The following DOCK1 variants were observed in gnomAD, a reference collection of about 807,000 sequenced individuals.
DOCK1 encodes dedicator of cytokinesis 1.
DOCK1 carries 138 observed loss-of-function variants against 262.7 expected under a neutral mutation model. The ratio of observed to expected loss-of-function variants is 0.53; its 90% CI spans 0.46 to 0.61. The LOEUF (loss-of-function observed/expected upper bound fraction) is 0.61. DOCK1 is among the 20% of genes least tolerant of loss of function. The pLI, the probability that DOCK1 is intolerant of heterozygous loss-of-function variation, is 0.00. For synonymous variants in DOCK1, 866 were observed against 867.4 expected, an observed-to-expected ratio of 1.00 and a Z score of 0.03; for missense variants, 1,908 against 2,370.7, an observed-to-expected ratio of 0.80 and a Z score of 4.05.
At chr10:127,005,785 T>G (rs1193560365) in intron 10 of DOCK1, among the ~76,000 whole-genome samples, 1 of 152,220 alleles carries the variant, frequency 6.6e-6, no homozygotes, top group Non-Finnish European at 1.5e-5. Flanking sequence ...TTAAATACAA[T>G]ATCCCGTCCT....
chr10:127,327,102 G>A (rs4751207), intron 29 of DOCK1, among the ~76,000 whole-genome samples: 6,967 of 152,270 alleles, frequency 0.046, 206 homozygotes, highest in Non-Finnish European at 0.072. Flanking sequence ...TCTTAAGGGC[G>A]CTAGGATGTT....
At chr10:127,362,762 AAAATC>A (rs1425774607) in intron 33 of DOCK1, among the ~76,000 whole-genome samples, 1 of 150,854 alleles carries the variant, frequency 6.6e-6, no homozygotes, top group Non-Finnish European at 1.5e-5. Context: ...AAGAAGTAAC[AAAATC>A]TCCTTCTGGA....
At chr10:126,991,735 G>T (rs1487562761) in intron 6 of DOCK1, among the ~76,000 whole-genome samples, 1 of 152,038 alleles carries the variant, frequency 6.6e-6, no homozygotes, top group Admixed American at 6.6e-5. Context: ...TTCCATGTTG[G>T]TCAGGCTGAT....
intron 43 of DOCK1, among the ~76,000 whole-genome samples, chr10:127,414,080 T>G (rs971577348): frequency 9.9e-5 from 15 of 152,056 alleles, no homozygotes; most frequent in African/African-American, 3.6e-4. Flanking sequence ...TCTGGCTAAT[T>G]TTTGTATTTT....
At chr10:127,314,523 G>C (rs2062190129) in intron 29 of DOCK1, among the ~76,000 whole-genome samples, 1 of 152,200 alleles carries the variant, frequency 6.6e-6, no homozygotes, top group Non-Finnish European at 1.5e-5. Context: ...TGCCCTCTTG[G>C]CCCTGTAGGG....
rs530362816 is a variant in DOCK1 at position 127,130,433 on chromosome 10, C to T, written c.2847+2669C>T. On this transcript the variant is annotated intron_variant, in intron 27 of 51. Coordinates refer to ENST00000623213, the MANE Select transcript of DOCK1 (RefSeq NM_001290223.2). ...GTGTGTGTTCACTTGACTTGTAGCCCACTGGTCAACAGTTAAACTGGAGGG... is the reference window on the plus strand; with the variant it reads ...GTGTGTGTTCACTTGACTTGTAGCCTACTGGTCAACAGTTAAACTGGAGGG... Among the ~76,000 whole-genome samples the T allele has an allele frequency of 3.8e-4, 58 of 152,146 alleles. 1 individual carries two copies. The South Asian group carries it at 0.011, about 29-fold the overall frequency.
chr10:127,418,995 G>A (rs2068333000), intron 45 of DOCK1, among the ~76,000 whole-genome samples: 1 of 152,218 alleles, frequency 6.6e-6, no homozygotes, highest in African/African-American at 2.4e-5. Flanking sequence ...GTGTATCCTA[G>A]ACCACCCCTG....
intron 47 of DOCK1, among the ~76,000 whole-genome samples, chr10:127,429,042 A>ATTGGGGTGCTG: frequency 1.4e-5 from 1 of 69,376 alleles, no homozygotes; most frequent in African/African-American, 5.8e-5. Context: ...TTGGGGTGTC[A>ATTGGGGTGCTG]TGTGGATTGG....
At chr10:127,361,476 G>C (rs2064445019) in intron 32 of DOCK1, among the ~76,000 whole-genome samples, 1 of 152,140 alleles carries the variant, frequency 6.6e-6, no homozygotes, top group African/African-American at 2.4e-5. Flanking sequence ...TAGAATCACT[G>C]CTGTTTTTAG....
intron 1 of DOCK1, among the ~76,000 whole-genome samples, chr10:126,968,049 C>G (rs1361029351): frequency 6.6e-6 from 1 of 152,096 alleles, no homozygotes; most frequent in Non-Finnish European, 1.5e-5. Flanking sequence ...CTCCTGGCCT[C>G]AAGTGATCTG....
intron 25 of DOCK1, among the ~76,000 whole-genome samples, chr10:127,122,298 T>C (rs1210292301): frequency 6.6e-6 from 1 of 152,208 alleles, no homozygotes; most frequent in Non-Finnish European, 1.5e-5. Context: ...ACCCTCTGCC[T>C]GGAGGCATGG....
At chr10:126,948,988 C>CT (rs2035910736) in intron 1 of DOCK1, among the ~76,000 whole-genome samples, 1 of 152,140 alleles carries the variant, frequency 6.6e-6, no homozygotes, top group Non-Finnish European at 1.5e-5. Context: ...GGCCCACCCC[C>CT]TGGACCCTGT....
intron 23 of DOCK1, among the ~76,000 whole-genome samples, chr10:127,090,761 T>C (rs2047473277): frequency 6.6e-6 from 1 of 152,170 alleles, no homozygotes; most frequent in African/African-American, 2.4e-5. Flanking sequence ...ATGTGGCTTT[T>C]TTTGGTATAT....
At chr10:127,282,621 C>T (rs936953357) in intron 29 of DOCK1, among the ~76,000 whole-genome samples, 1 of 152,168 alleles carries the variant, frequency 6.6e-6, no homozygotes, top group African/African-American at 2.4e-5. Context: ...GTCACCAGGG[C>T]AAAACCACAG....
rs188446128 is a variant in DOCK1, at chr10:126,913,582, A to G, written c.46+8019A>G. ...AGGGGGCTTGGCTCGTGACAAATAA[A>G]TGACACCGGGCTTCTTGATGATGAC... On this transcript the variant is annotated intron_variant, in intron 1 of 51. Coordinates refer to ENST00000623213, the MANE Select transcript of DOCK1 (RefSeq NM_001290223.2). Among the ~76,000 whole-genome samples, 11 of 152,272 alleles carry G rather than the reference A, an allele frequency of 7.2e-5. No individual in the cohort carries two copies. In the East Asian group the frequency reaches 2.1e-3, roughly 29 times the overall value.
rs529981277 is a variant in DOCK1 at position 127,109,779 on chromosome 10, G to GT, written c.2517-461dup. On this transcript the variant is annotated intron_variant, in intron 24 of 51. Transcript: ENST00000623213. ...CCATTCATTAACTGATGGACTTCGT[G>GT]TTTTTTTTACTTTTTCAGTATAATG... is the stretch of plus-strand genomic sequence containing the variant. Among the ~76,000 whole-genome samples the GT allele has an allele frequency of 5.9e-5, 9 of 151,640 alleles. No homozygotes were observed. The South Asian group carries it at 6.2e-4, about 11-fold the overall frequency.
At chr10:127,327,678 C>T (rs1354987886) in intron 29 of DOCK1, among the ~76,000 whole-genome samples, 1 of 152,174 alleles carries the variant, frequency 6.6e-6, no homozygotes. Context: ...TGACAGAAGC[C>T]GCCATCTCTT....
At position 127,175,655 on chromosome 10, in the gene DOCK1, C is replaced by T. The variant is rs1256997654; in HGVS notation, c.2847+47891C>T. On this transcript the variant is annotated intron_variant, in intron 27 of 51. Coordinates refer to ENST00000623213, the MANE Select transcript of DOCK1 (RefSeq NM_001290223.2). The surrounding 1 kb of genome is among the most constrained non-coding windows in gnomAD (Gnocchi z 6.3). ...CGGTGGCAACCTCCGTTTTAAACAC[C>T]CTCCTGAGGGCAGGTGGAGCGGGCT... The T allele has an allele frequency of 1.2e-6, 2 of 1,613,370 alleles. No homozygotes were observed. Among genetic ancestry groups the T allele is most frequent in the Admixed American group, 1.7e-5 (1 of 59,974 alleles).
chr10:127,384,841 G>T lies in DOCK1; in HGVS notation c.3859G>T (p.Ala1287Ser), dbSNP rs553671666. Residue 1287 changes from alanine to serine, a missense_variant, in exon 38 of 52, where the codon GCC becomes TCC. Physicochemically the swap from Ala to Ser is moderately conservative, Grantham distance 99 (BLOSUM62 1). Coordinates refer to ENST00000623213, the MANE Select transcript of DOCK1 (RefSeq NM_001290223.2). The part of the protein sequence containing the change: ...AHLTQRDGYQ[A>S]TTQGQLKEQL... ...CCTCACCCAGCGGGACGGGTACCAG[G>T]CCACCACGCAGGGACAGCTGAAGGA... 6.2e-7 allele frequency: 1 copy of T among 1,609,628 alleles called. No homozygotes were observed. Among genetic ancestry groups the T allele is most frequent in the Admixed American group, 1.7e-5 (1 of 58,636 alleles).
Sources: allele counts gnomAD v4.1 joint callset (sites outside exome capture counted in the v4.1 genomes callset), GRCh38; gene constraint gnomAD v4.1.1; non-coding constraint Gnocchi (gnomAD v3.1); transcripts MANE v1.5; gene names NCBI Gene and HGNC (gene_info 2026-07-23, HGNC 2026-07-21).